The following WDR70 variants were observed in gnomAD, a reference collection of about 807,000 sequenced individuals.
WDR70 encodes WD repeat domain 70, also known as WD repeat-containing protein 70.
A neutral mutation model predicts 88.6 loss-of-function variants in WDR70; 53 were observed. That is an observed-to-expected ratio of 0.60 (90% CI 0.48 to 0.75). The LOEUF is 0.75. Among genes scored for constraint, WDR70 ranks in the 30% least tolerant of loss-of-function variants. The pLI is 0.00. For missense variants in WDR70, 610 were observed against 823.2 expected, an observed-to-expected ratio of 0.74 and a Z score of 3.17; for synonymous variants, 280 against 270.0, an observed-to-expected ratio of 1.04 and a Z score of -0.36.
At chr5:37,396,100 C>T (rs1749002302) in intron 4 of WDR70, among the ~76,000 whole-genome samples, 1 of 152,160 alleles carries the variant, frequency 6.6e-6, no homozygotes, top group Admixed American at 6.6e-5. Context: ...CACTCAGTCT[C>T]ACCTGTCTCT....
chr5:37,463,604 C>T (rs977812594), intron 7 of WDR70, among the ~76,000 whole-genome samples: 1 of 152,226 alleles, frequency 6.6e-6, no homozygotes, highest in Non-Finnish European at 1.5e-5. Flanking sequence ...TGCAATGTCA[C>T]TAAGCCTTCC....
chr5:37,705,564 A>G (rs1482327310), intron 13 of WDR70, among the ~76,000 whole-genome samples: 2 of 152,132 alleles, frequency 1.3e-5, no homozygotes, highest in Non-Finnish European at 2.9e-5. Context: ...TATATATTAG[A>G]ATGCTATGTT....
chr5:37,733,482 A>G (rs911892934), intron 17 of WDR70, among the ~76,000 whole-genome samples: 9 of 152,080 alleles, frequency 5.9e-5, no homozygotes, highest in African/African-American at 1.9e-4. Context: ...TTATTGTATA[A>G]TTTAATTTTC....
intron 9 of WDR70, among the ~76,000 whole-genome samples, chr5:37,604,785 A>G (rs770405489): frequency 1.1e-4 from 17 of 152,220 alleles, no homozygotes; most frequent in Non-Finnish European, 1.8e-4. Context: ...CCACTTAGAG[A>G]GGGACAGAAT....
At chr5:37,570,415 C>T (rs910128974) in intron 9 of WDR70, among the ~76,000 whole-genome samples, 7 of 151,992 alleles carry the variant, frequency 4.6e-5, no homozygotes, top group African/African-American at 1.7e-4. Context: ...TAGTTTTTTG[C>T]CTCTGAAACT....
chr5:37,391,149 C>T (rs1054374188), intron 3 of WDR70, among the ~76,000 whole-genome samples: 14 of 152,178 alleles, frequency 9.2e-5, no homozygotes, highest in African/African-American at 3.4e-4. Flanking sequence ...AATATTTCCC[C>T]AGATTTCTGT....
chr5:37,465,794 T>C, intron 7 of WDR70, among the ~76,000 whole-genome samples: 1 of 35,102 alleles, frequency 2.8e-5, no homozygotes, highest in East Asian at 6.3e-4. Flanking sequence ...TAAAAAAATT[T>C]CTAAACTTTT....
intron 9 of WDR70, among the ~76,000 whole-genome samples, chr5:37,529,153 G>A (rs892956332): frequency 6.6e-6 from 1 of 151,912 alleles, no homozygotes; most frequent in Admixed American, 6.6e-5. Flanking sequence ...TTTATTTCTG[G>A]GTTCTGTATT....
chr5:37,709,372 T>A (rs1431858390), intron 13 of WDR70, among the ~76,000 whole-genome samples: 1 of 152,192 alleles, frequency 6.6e-6, no homozygotes, highest in Non-Finnish European at 1.5e-5. Context: ...GATTAAACAA[T>A]GCATATCCTA....
intron 8 of WDR70, among the ~76,000 whole-genome samples, chr5:37,502,814 A>T (rs1434483492): frequency 6.6e-6 from 1 of 152,162 alleles, no homozygotes; most frequent in Non-Finnish European, 1.5e-5. Context: ...AGCGAGAGAG[A>T]GAGTGAGCGG....
At chr5:37,390,402 C>T (rs932300762) in intron 3 of WDR70, among the ~76,000 whole-genome samples, 11 of 149,616 alleles carry the variant, frequency 7.4e-5, no homozygotes, top group African/African-American at 2.5e-4. Flanking sequence ...GGCAGTGGCA[C>T]GATCTTGGCT....
At chr5:37,717,037 A>C (rs1174661891) in intron 13 of WDR70, among the ~76,000 whole-genome samples, 2 of 152,050 alleles carry the variant, frequency 1.3e-5, no homozygotes, top group East Asian at 3.9e-4. Flanking sequence ...AGTCATGCTT[A>C]TGGTCTCCTA....
intron 9 of WDR70, among the ~76,000 whole-genome samples, chr5:37,536,456 A>AT (rs1420949863): frequency 1.3e-5 from 2 of 152,016 alleles, no homozygotes; most frequent in Middle Eastern, 3.4e-3. Flanking sequence ...TGGATTTCAG[A>AT]TTTTTTTTAG....
intron 10 of WDR70, among the ~76,000 whole-genome samples, chr5:37,612,878 T>C (rs1415349675): frequency 6.6e-6 from 1 of 152,222 alleles, no homozygotes; most frequent in Admixed American, 6.5e-5. Context: ...ACATATGAAC[T>C]ATTCTATAGT....
chr5:37,510,085 C>A (rs28491140), intron 8 of WDR70, among the ~76,000 whole-genome samples: 1 of 150,426 alleles, frequency 6.6e-6, no homozygotes, highest in South Asian at 2.1e-4. Context: ...ACTCCCCCCC[C>A]CAAAAAAAAA....
At chr5:37,614,972 T>G (rs1016906177) in intron 10 of WDR70, among the ~76,000 whole-genome samples, 1 of 151,912 alleles carries the variant, frequency 6.6e-6, no homozygotes, top group African/African-American at 2.4e-5. Context: ...AAATAGAGAC[T>G]AGTACAACCA....
At position 37,422,420 on chromosome 5, in the gene WDR70, T is replaced by C. The variant is rs562250078; in HGVS notation, c.493-15502T>C. Reference sequence around the variant, plus strand: ...GATTCTCCAGCCTCAGCCTCCAGAGTAGCTGGGACTATAGGCATGAACCTC... The same window carrying C: ...GATTCTCCAGCCTCAGCCTCCAGAGCAGCTGGGACTATAGGCATGAACCTC... On this transcript the variant is annotated intron_variant, in intron 5 of 17. Transcript: ENST00000265107. Among the ~76,000 whole-genome samples the C allele has an allele frequency of 4.0e-5, 6 of 151,560 alleles. No homozygotes were observed. The East Asian group carries it at 7.8e-4, about 20-fold the overall frequency.
At chr5:37,595,282 T>C (rs1416739556) in intron 9 of WDR70, among the ~76,000 whole-genome samples, 1 of 152,184 alleles carries the variant, frequency 6.6e-6, no homozygotes, top group Non-Finnish European at 1.5e-5. Flanking sequence ...TCAGTAATTA[T>C]GAGTCAATTT....
At chr5:37,480,805 G>T (rs1313006159) in intron 8 of WDR70, among the ~76,000 whole-genome samples, 1 of 152,092 alleles carries the variant, frequency 6.6e-6, no homozygotes, top group Non-Finnish European at 1.5e-5. Context: ...TCTTATTTCA[G>T]CATTAACTCA....
Sources: allele counts gnomAD v4.1 joint callset (sites outside exome capture counted in the v4.1 genomes callset), GRCh38; gene constraint gnomAD v4.1.1; transcripts MANE v1.5; gene names NCBI Gene and HGNC (gene_info 2026-07-23, HGNC 2026-07-21).